The following SULT1C3 variants were observed in gnomAD, a reference collection of about 807,000 sequenced individuals.
The protein encoded by SULT1C3 is sulfotransferase family 1C member 3, also known as sulfotransferase 1C3.
A neutral mutation model predicts 28.4 loss-of-function variants in SULT1C3; 31 were observed. That is an observed-to-expected ratio of 1.09 (90% CI 0.82 to 1.47). The LOEUF is 1.47. Among genes scored for constraint, SULT1C3 ranks in the 40% most tolerant of loss-of-function variants. The pLI, the probability that SULT1C3 is intolerant of heterozygous loss-of-function variation, is 0.00. For synonymous variants in SULT1C3, 106 were observed against 92.2 expected (o/e 1.15, Z -0.86); for missense variants, 307 against 272.5 (o/e 1.13, Z -0.89).
At chr2:108,259,421 C>G (rs546424314) in intron 7 of SULT1C3, among the ~76,000 whole-genome samples, 88 of 152,182 alleles carry the variant, frequency 5.8e-4, no homozygotes, top group African/African-American at 2.1e-3. Context: ...CTCAAATTTG[C>G]TTTTCTCTCA....
At chr2:108,248,006 T>A (rs964839450) in intron 2 of SULT1C3, among the ~76,000 whole-genome samples, 1 of 152,198 alleles carries the variant, frequency 6.6e-6, no homozygotes, top group Non-Finnish European at 1.5e-5. Context: ...GAATTGATGA[T>A]CCCACTCTTG....
chr2:108,241,959 T>C (rs1442918741), intron 1 of SULT1C3, among the ~76,000 whole-genome samples: 1 of 149,312 alleles, frequency 6.7e-6, no homozygotes, highest in Non-Finnish European at 1.5e-5. Flanking sequence ...CTGGAAAACC[T>C]GGTTAGTAAG....
chr2:108,252,189 G>GGATA (rs1477414970), intron 2 of SULT1C3, among the ~76,000 whole-genome samples, 176 bp from the exon 3 acceptor site: 1 of 133,864 alleles, frequency 7.5e-6, no homozygotes, highest in African/African-American at 2.8e-5. Context: ...ATAGATAGAT[G>GGATA]GATAGATAGA....
At chr2:108,254,233 T>G (rs1261337882) in intron 4 of SULT1C3, among the ~76,000 whole-genome samples, 1 of 152,026 alleles carries the variant, frequency 6.6e-6, no homozygotes, top group Non-Finnish European at 1.5e-5. Flanking sequence ...TTCCCATACC[T>G]GATCCTCACT....
chr2:108,251,325 A>G (rs1675720924), intron 2 of SULT1C3, among the ~76,000 whole-genome samples: 1 of 152,036 alleles, frequency 6.6e-6, no homozygotes, highest in Non-Finnish European at 1.5e-5. Flanking sequence ...ATCTTAAAAT[A>G]ATTAGATAAA....
intron 4 of SULT1C3, 89 bp from the exon 5 acceptor site, chr2:108,255,483 T>A: frequency 7.0e-7 from 1 of 1,430,416 alleles, no homozygotes; most frequent in Non-Finnish European, 9.5e-7. Flanking sequence ...TTATAGGATA[T>A]GGTTACCATT....
chr2:108,242,803 G>A, intron 1 of SULT1C3, among the ~76,000 whole-genome samples: 1 of 152,070 alleles, frequency 6.6e-6, no homozygotes, highest in East Asian at 1.9e-4. Context: ...TTTTTCCCAA[G>A]GAGTCCCATG....
intron 2 of SULT1C3, among the ~76,000 whole-genome samples, chr2:108,249,199 T>C (rs1294138261): frequency 6.6e-6 from 1 of 152,092 alleles, no homozygotes; most frequent in African/African-American, 2.4e-5. Context: ...ACAGAAACTA[T>C]GACCGAATAT....
downstream of SULT1C3, chr2:108,264,742 C>T: frequency 7.3e-7 from 1 of 1,360,672 alleles, no homozygotes; most frequent in South Asian, 1.5e-5. Context: ...TAACTCATTT[C>T]TCTCCAAATA....
intron 2 of SULT1C3, among the ~76,000 whole-genome samples, 193 bp from the exon 3 acceptor site, chr2:108,252,172 T>C (rs1050745644): frequency 9.9e-5 from 15 of 151,948 alleles, no homozygotes; most frequent in African/African-American, 3.6e-4. Context: ...GATAGATAGA[T>C]AGATAGATAG....
At chr2:108,263,209 A>T (rs969183302), downstream of SULT1C3, among the ~76,000 whole-genome samples, 1 of 151,184 alleles carries the variant, frequency 6.6e-6, no homozygotes, top group African/African-American at 2.4e-5. Flanking sequence ...GAGCCCCAAT[A>T]AAACTTATAT....
chr2:108,263,879 G>A (rs1378703511), downstream of SULT1C3, among the ~76,000 whole-genome samples: 7 of 152,182 alleles, frequency 4.6e-5, no homozygotes, highest in Admixed American at 4.6e-4. Context: ...TCAGGAAATA[G>A]CACATGCTTT....
At chr2:108,247,500 G>A in intron 2 of SULT1C3, 134 bp downstream of exon 2, 1 of 845,802 alleles carries the variant, frequency 1.2e-6, no homozygotes, top group Non-Finnish European at 1.7e-6. Flanking sequence ...CTTTGGTGCT[G>A]CAGGACATTT....
At chr2:108,265,244 C>T, downstream of SULT1C3, 1 of 1,613,334 alleles carries the variant, frequency 6.2e-7, no homozygotes, top group South Asian at 1.1e-5. Context: ...TTCAGGGATG[C>T]CTGGAGACTG....
chr2:108,254,088 T>C (rs1003079874), intron 4 of SULT1C3, among the ~76,000 whole-genome samples: 6 of 151,904 alleles, frequency 3.9e-5, no homozygotes, highest in Non-Finnish European at 1.5e-5. Context: ...CCTCTACTCT[T>C]CCTAAAACAC....
chr2:108,243,151 C>A (rs1449005474), intron 1 of SULT1C3, among the ~76,000 whole-genome samples: 1 of 152,128 alleles, frequency 6.6e-6, no homozygotes, highest in African/African-American at 2.4e-5. Flanking sequence ...GGGTAAGCAG[C>A]TTTTGAAACT....
chr2:108,252,066 A>G (rs1371311248), intron 2 of SULT1C3, among the ~76,000 whole-genome samples: 3 of 151,992 alleles, frequency 2.0e-5, no homozygotes, highest in African/African-American at 4.8e-5. Context: ...GACAGATAAT[A>G]GGAAGATAGT....
At chr2:108,241,174 T>C (rs113794274) in intron 1 of SULT1C3, among the ~76,000 whole-genome samples, 3 of 152,386 alleles carry the variant, frequency 2.0e-5, no homozygotes, top group African/African-American at 4.8e-5. Context: ...AGAGGCTTTA[T>C]TGGCTCTGCG....
intron 1 of SULT1C3, among the ~76,000 whole-genome samples, chr2:108,240,484 G>C (rs1675440872): frequency 6.6e-6 from 1 of 152,154 alleles, no homozygotes; most frequent in Admixed American, 6.5e-5. Flanking sequence ...CCAAGATATA[G>C]AATTTCCCTT....
Sources: allele counts gnomAD v4.1 joint callset (sites outside exome capture counted in the v4.1 genomes callset), GRCh38; gene constraint gnomAD v4.1.1; transcripts MANE v1.5; gene names NCBI Gene and HGNC (gene_info 2026-07-23, HGNC 2026-07-21).